Variants in AUTS2 observed in about 807,000 individuals in gnomAD.
AUTS2 encodes activator of transcription and developmental regulator AUTS2, also known as autism susceptibility gene 2 protein.
In AUTS2, 17 loss-of-function variants were observed where a neutral mutation model predicts 112.4. The observed-to-expected ratio is 0.15, with a 90% CI of 0.10 to 0.23. The LOEUF is 0.23. AUTS2 is among the 10% of genes least tolerant of loss of function. The pLI is 1.00. For synonymous variants in AUTS2, 751 were observed against 702.7 expected (o/e 1.07, Z -1.09); for missense variants, 1,510 against 1,701.6 (o/e 0.89, Z 1.98).
chr7:70,234,045 C>A (rs1812192517), intron 4 of AUTS2, among the ~76,000 whole-genome samples: 1 of 152,170 alleles, frequency 6.6e-6, no homozygotes, highest in African/African-American at 2.4e-5. Context: ...CACCTGAATA[C>A]CATCTTGTGA....
intron 1 of AUTS2, among the ~76,000 whole-genome samples, chr7:69,883,724 C>T (rs1562948802): frequency 6.6e-6 from 1 of 152,174 alleles, no homozygotes; most frequent in African/African-American, 2.4e-5. Flanking sequence ...CCGACTAACC[C>T]ATCTGCTCAT....
chr7:69,965,452 A>G (rs1321489432), intron 2 of AUTS2, among the ~76,000 whole-genome samples: 6 of 152,198 alleles, frequency 3.9e-5, no homozygotes, highest in African/African-American at 1.2e-4. Flanking sequence ...GGAGATGCAC[A>G]GAAGTAAACA....
intron 1 of AUTS2, among the ~76,000 whole-genome samples, chr7:69,759,307 TGG>T (rs1788068962): frequency 6.6e-6 from 1 of 152,132 alleles, no homozygotes; most frequent in South Asian, 2.1e-4. Flanking sequence ...GATATCTTGG[TGG>T]TGGGACTTAA....
At chr7:70,394,798 C>CCA (rs1371669894) in intron 4 of AUTS2, among the ~76,000 whole-genome samples, 2 of 151,720 alleles carry the variant, frequency 1.3e-5, no homozygotes, top group Admixed American at 1.3e-4. Context: ...CTACTATTAG[C>CCA]CACGTGTTGT....
chr7:70,622,449 AT>A lies in AUTS2; in HGVS notation c.691-76119del, dbSNP rs533897712. Among the ~76,000 whole-genome samples, 5 of 152,136 alleles carry A rather than the reference AT, an allele frequency of 3.3e-5. No homozygotes were observed. The East Asian group carries it at 5.8e-4, about 18-fold the overall frequency. ...TCAGCCAGGTTCCATAGCTCCCGTC[AT>A]CCCCACCGTTGCTACCCAGGCCCTT... On this transcript the variant is annotated intron_variant, in intron 5 of 18. Coordinates refer to ENST00000342771, the MANE Select transcript of AUTS2 (RefSeq NM_015570.4).
At chr7:69,914,127 G>A (rs1795466958) in intron 2 of AUTS2, among the ~76,000 whole-genome samples, 2 of 151,966 alleles carry the variant, frequency 1.3e-5, no homozygotes, top group African/African-American at 2.4e-5. Flanking sequence ...CCTTCCTTAT[G>A]TCTGCACCTT....
rs576501175 is a variant in AUTS2 at position 69,955,651 on chromosome 7, C to A, written c.522+56153C>A. On this transcript the variant is annotated intron_variant, in intron 2 of 18. Transcript: ENST00000342771. ...GTTTATATAGCATTTTCAATTAACA[C>A]CCTCCCCTTAACAACTTTCACCTGG... Among the ~76,000 whole-genome samples the A allele has an allele frequency of 4.5e-4, 68 of 152,216 alleles. 1 individual carries two copies. Among genetic ancestry groups the A allele is most frequent in the African/African-American group, 1.4e-3 (59 of 41,548 alleles).
At chr7:70,600,091 C>G (rs184583442) in intron 5 of AUTS2, among the ~76,000 whole-genome samples, 3 of 152,350 alleles carry the variant, frequency 2.0e-5, no homozygotes, top group African/African-American at 7.2e-5. Flanking sequence ...TGTTTTCACA[C>G]GTTCTCCAAG....
chr7:70,407,015 A>C (rs1479881666), intron 4 of AUTS2, among the ~76,000 whole-genome samples: 1 of 152,238 alleles, frequency 6.6e-6, no homozygotes, highest in Non-Finnish European at 1.5e-5. Flanking sequence ...GACTTCCTGC[A>C]TATGCCAAAA....
chr7:70,753,862 A>T (rs1789015291), intron 6 of AUTS2, among the ~76,000 whole-genome samples: 1 of 152,228 alleles, frequency 6.6e-6, no homozygotes, highest in African/African-American at 2.4e-5. Flanking sequence ...AAGGTAATTA[A>T]ATAATGAACA....
At chr7:69,649,768 C>A (rs777748717) in intron 1 of AUTS2, among the ~76,000 whole-genome samples, 4 of 152,086 alleles carry the variant, frequency 2.6e-5, no homozygotes, top group African/African-American at 9.7e-5. Context: ...TAACCACAGA[C>A]TCTTTCAGAG....
At chr7:69,857,984 A>G (rs1792809935) in intron 1 of AUTS2, among the ~76,000 whole-genome samples, 1 of 152,164 alleles carries the variant, frequency 6.6e-6, no homozygotes, top group Admixed American at 6.6e-5. Flanking sequence ...GGGCAGTCTG[A>G]TGGCACCTTG....
At position 70,532,847 on chromosome 7, in the gene AUTS2, G is replaced by A. The variant is rs115993039; in HGVS notation, c.690+97066G>A. On this transcript the variant is annotated intron_variant, in intron 5 of 18. Coordinates refer to ENST00000342771, the MANE Select transcript of AUTS2 (RefSeq NM_015570.4). ...TAGGAAAGGGTAGAAAATTATTGCT[G>A]AGTCTAAGTATTGAGGGTTCAACTC... 4.8e-3 allele frequency among the ~76,000 whole-genome samples: 733 copies of A among 152,344 alleles called. 9 individuals carry two copies. The highest frequency in any genetic ancestry group is 0.017 in the African/African-American group (704 of 41,578).
chr7:70,206,747 G>A (rs1172395254), intron 4 of AUTS2, among the ~76,000 whole-genome samples: 1 of 152,172 alleles, frequency 6.6e-6, no homozygotes, highest in Non-Finnish European at 1.5e-5. Context: ...CATTAGCCAA[G>A]TGGTTATATC....
At chr7:70,604,287 G>C (rs766363874) in intron 5 of AUTS2, among the ~76,000 whole-genome samples, 2 of 152,198 alleles carry the variant, frequency 1.3e-5, no homozygotes, top group Non-Finnish European at 2.9e-5. Context: ...GTGATGGGCT[G>C]GGGTGGGCCG....
At chr7:70,701,682 G>A (rs905572052) in intron 6 of AUTS2, among the ~76,000 whole-genome samples, 4 of 152,134 alleles carry the variant, frequency 2.6e-5, no homozygotes, top group Admixed American at 2.6e-4. Context: ...TGCCTAATGA[G>A]GACTGAGCAT....
At chr7:70,192,138 CT>C (rs1349303625) in intron 4 of AUTS2, among the ~76,000 whole-genome samples, 1 of 152,192 alleles carries the variant, frequency 6.6e-6, no homozygotes, top group Admixed American at 6.5e-5. Context: ...GTAATACCTT[CT>C]TCAATGTGAT....
Position 70,790,614 on chromosome 7 carries a change from A to C in AUTS2, c.3398A>C (p.His1133Pro), listed in dbSNP as rs1415274627. The C allele has an allele frequency of 3.7e-6, 6 of 1,605,990 alleles. No homozygotes were observed. In the East Asian group the frequency reaches 9.0e-5, roughly 24 times the overall value. The part of the protein sequence containing the change: ...DYSHHHHHHH[H>P]PLSVDPRREH... ...AGCCACCACCACCACCACCACCACCACCCGCTGTCTGTGGACCCTCGGCGG... is the reference window on the plus strand; with the variant it reads ...AGCCACCACCACCACCACCACCACCCCCCGCTGTCTGTGGACCCTCGGCGG... The change falls in exon 19 of 19, where the codon CAC becomes CCC. Residue 1133 changes from histidine (H) to proline (P), a missense_variant. Around this residue, in one of 3 missense-constraint regions of AUTS2, gnomAD observed 788 missense variants for 797.6 expected, o/e 0.99. Transcript: ENST00000342771. The surrounding 1 kb of genome is among the most constrained non-coding windows in gnomAD (Gnocchi z 7.6).
At chr7:69,970,930 T>A (rs1388834105) in intron 2 of AUTS2, among the ~76,000 whole-genome samples, 1 of 152,192 alleles carries the variant, frequency 6.6e-6, no homozygotes, top group Non-Finnish European at 1.5e-5. Flanking sequence ...CCCAGCACTT[T>A]GGGAGGCCAA....
Sources: gnomAD v4.1 joint callset for allele counts (sites outside exome capture counted in the v4.1 genomes callset) on GRCh38, gnomAD v4.1.1 for gene constraint, gnomAD v4.1.1 regional missense constraint, Gnocchi (gnomAD v3.1) non-coding constraint, MANE v1.5 for transcripts, NCBI Gene and HGNC (gene_info 2026-07-23, HGNC 2026-07-21) for gene names.